Variants in CELF1 observed in about 807,000 individuals in gnomAD.
CELF1 encodes the protein 50 kDa nuclear polyadenylated RNA-binding protein.
CELF1 carries 10 observed loss-of-function variants against 61.8 expected under a neutral mutation model. The ratio of observed to expected loss-of-function variants is 0.16; its 90% confidence interval spans 0.10 to 0.27. The LOEUF (loss-of-function observed/expected upper bound fraction) is 0.27, where lower values mean the gene tolerates loss of function less well. Among genes scored for constraint, CELF1 ranks in the 10% least tolerant of loss-of-function variants. CELF1 has a pLI of 1.00. For missense variants in CELF1, 380 were observed against 639.1 expected, an observed-to-expected ratio of 0.59 and a Z score of 4.37; for synonymous variants, 236 against 225.1, an observed-to-expected ratio of 1.05 and a Z score of -0.43.
In CELF1 at chr11:47,468,490, G is replaced by A. The variant is rs1304490331; in HGVS notation, c.*3740C>T. ...AACAAAGCCTAGAAACGGACTGGCT[G>A]TGTGTTCACAGAAATACAAACACCA... On this transcript the variant is annotated 3_prime_UTR_variant, in exon 15 of 15. Transcript: ENST00000687097. 1 of 152,638 alleles carries A rather than the reference G, an allele frequency of 6.6e-6. No individual in the cohort carries two copies. Among genetic ancestry groups the A allele is most frequent in the Non-Finnish European group, 1.5e-5 (1 of 68,042 alleles). 9.5% of individuals were successfully genotyped at this position (152,638 alleles called of 1,614,324 possible).
chr11:47,482,462 T>C (rs565549155), intron 9 of CELF1: 4 of 338,098 alleles, frequency 1.2e-5, no homozygotes, highest in Admixed American at 4.7e-5. Context: ...GAATTCACTT[T>C]AGTTGCAGCA....
chr11:47,520,251 ATTC>A (rs2153649305), intron 1 of CELF1, among the ~76,000 whole-genome samples: 1 of 152,330 alleles, frequency 6.6e-6, no homozygotes, highest in East Asian at 1.9e-4. Flanking sequence ...AGGAGAGCTG[ATTC>A]TTATTTCCCT....
intron 5 of CELF1, 78 bp from the exon 6 acceptor site, chr11:47,486,876 G>T: frequency 9.1e-7 from 1 of 1,104,122 alleles, no homozygotes; most frequent in Non-Finnish European, 1.4e-6. Flanking sequence ...TAAAATACCA[G>T]AACTAGAGCT....
chr11:47,491,125 A>G (rs1219725715), intron 3 of CELF1, among the ~76,000 whole-genome samples: 2 of 150,772 alleles, frequency 1.3e-5, no homozygotes, highest in Non-Finnish European at 2.9e-5. Flanking sequence ...GCCTTCCAAA[A>G]GTGCTGGGAT....
chr11:47,501,251 C>CA (rs1329509138), intron 1 of CELF1, among the ~76,000 whole-genome samples: 2 of 152,318 alleles, frequency 1.3e-5, no homozygotes, highest in East Asian at 3.9e-4. Flanking sequence ...GCGGCAAAAA[C>CA]AAACTGCAAG....
At chr11:47,552,564 G>T (rs2097167802) in intron 1 of CELF1, among the ~76,000 whole-genome samples, 1 of 152,202 alleles carries the variant, frequency 6.6e-6, no homozygotes, top group Admixed American at 6.5e-5. Context: ...CACAGGAGTG[G>T]ACACTAAGAA....
intron 3 of CELF1, among the ~76,000 whole-genome samples, chr11:47,495,327 C>A (rs1246017196): frequency 6.6e-6 from 1 of 152,080 alleles, no homozygotes; most frequent in African/African-American, 2.4e-5. Flanking sequence ...ATGAAATGCC[C>A]AGAACAGGCA....
At chr11:47,517,497 T>C (rs1344537081) in intron 1 of CELF1, among the ~76,000 whole-genome samples, 1 of 152,128 alleles carries the variant, frequency 6.6e-6, no homozygotes, top group Non-Finnish European at 1.5e-5. Context: ...GGCAGCTAAC[T>C]GATCAAGACG....
intron 12 of CELF1, among the ~76,000 whole-genome samples, chr11:47,476,142 A>C (rs1045909670): frequency 1.3e-5 from 2 of 151,926 alleles, no homozygotes; most frequent in African/African-American, 4.8e-5. Flanking sequence ...CTGGGACTAC[A>C]GGCATGCACC....
At chr11:47,480,382 T>C (rs2082334697) in intron 9 of CELF1, among the ~76,000 whole-genome samples, 2 of 152,212 alleles carry the variant, frequency 1.3e-5, no homozygotes, top group Admixed American at 6.5e-5. Context: ...CCACCGCGCC[T>C]GGCCTTTTTC....
chr11:47,537,543 G>C (rs1259121854), intron 1 of CELF1, among the ~76,000 whole-genome samples: 1 of 152,054 alleles, frequency 6.6e-6, no homozygotes, highest in African/African-American at 2.4e-5. Flanking sequence ...CACCACACCA[G>C]GCCTACAGTA....
chr11:47,528,532 T>C lies in CELF1; in HGVS notation c.-154+24460A>G, dbSNP rs529999279. On this transcript the variant is annotated intron_variant, in intron 1 of 14. Transcript: ENST00000687097. Reference sequence around the variant, plus strand: ...TTGGGAGGCCGAGGTGGGAGGACTGTTCATTGAGGCCAGGAGTTTGAGGCT... The same window carrying C: ...TTGGGAGGCCGAGGTGGGAGGACTGCTCATTGAGGCCAGGAGTTTGAGGCT... 5.9e-5 allele frequency among the ~76,000 whole-genome samples: 9 copies of C among 152,132 alleles called. No individual in the cohort carries two copies. The South Asian group carries it at 1.9e-3, about 32-fold the overall frequency.
intron 12 of CELF1, 129 bp from the exon 13 acceptor site, chr11:47,475,650 C>T: frequency 2.3e-6 from 2 of 864,226 alleles, no homozygotes; most frequent in African/African-American, 1.7e-5. Context: ...TTAGTTTCTC[C>T]CTGAGAAGAA....
At chr11:47,559,139 A>G (rs1598747338) in intron 2 of CELF1, among the ~76,000 whole-genome samples, 1 of 149,084 alleles carries the variant, frequency 6.7e-6, no homozygotes, top group East Asian at 1.9e-4. Flanking sequence ...TCTGTCTCCC[A>G]GGCTGGAGTG....
At chr11:47,519,639 A>G (rs2095765863) in intron 1 of CELF1, among the ~76,000 whole-genome samples, 1 of 152,142 alleles carries the variant, frequency 6.6e-6, no homozygotes, top group Non-Finnish European at 1.5e-5. Flanking sequence ...TGGGAGGCCA[A>G]GGCGGGTGGA....
rs576642182 is a variant in CELF1 at position 47,530,631 on chromosome 11, T to C, written c.-154+22361A>G. Among the ~76,000 whole-genome samples the C allele has an allele frequency of 2.6e-5, 4 of 152,268 alleles. No homozygotes were observed. The South Asian group carries it at 8.3e-4, about 32-fold the overall frequency. ...GAGACAAAAGGATGGCTGTGAGACA[T>C]GAAAACTGGGAGAGAGGACCAGACT... On this transcript the variant is annotated intron_variant, in intron 1 of 14. Coordinates refer to ENST00000687097, the MANE Select transcript of CELF1 (RefSeq NM_001376376.1).
intron 1 of CELF1, among the ~76,000 whole-genome samples, chr11:47,530,722 A>G (rs1204557935): frequency 6.6e-6 from 1 of 152,178 alleles, no homozygotes; most frequent in Non-Finnish European, 1.5e-5. Flanking sequence ...TCGGAGGCCG[A>G]GGCAGGAAGA....
intron 13 of CELF1, among the ~76,000 whole-genome samples, chr11:47,474,099 A>G (rs2078933782): frequency 6.6e-6 from 1 of 152,080 alleles, no homozygotes; most frequent in African/African-American, 2.4e-5. Context: ...GGGTTTCACC[A>G]TGTTGGTCAG....
intron 1 of CELF1, among the ~76,000 whole-genome samples, chr11:47,513,370 T>C (rs944327154): frequency 1.3e-5 from 2 of 152,246 alleles, no homozygotes; most frequent in African/African-American, 2.4e-5. Flanking sequence ...TGAACTTTCC[T>C]GAATTGAGAC....
Sources: allele counts gnomAD v4.1 joint callset (sites outside exome capture counted in the v4.1 genomes callset), GRCh38; gene constraint gnomAD v4.1.1; transcripts MANE v1.5; gene names NCBI Gene and HGNC (gene_info 2026-07-23, HGNC 2026-07-21).